KIAA1549: variants seen among roughly 807,000 people sequenced by gnomAD.
The protein encoded by KIAA1549 is UPF0606 protein KIAA1549.
KIAA1549 carries 70 observed loss-of-function variants against 156.4 expected under a neutral mutation model. That is an observed-to-expected ratio of 0.45 (90% CI 0.37 to 0.55). The LOEUF is 0.55. Among genes scored for constraint, KIAA1549 ranks in the 20% least tolerant of loss-of-function variants. The pLI is 0.00. For synonymous variants in KIAA1549, 1,103 were observed against 1,066.4 expected (o/e 1.03, Z -0.67); for missense variants, 2,428 against 2,540.9 (o/e 0.96, Z 0.96).
intron 16 of KIAA1549, among the ~76,000 whole-genome samples, chr7:138,854,337 A>G (rs1183460048): frequency 6.6e-6 from 1 of 152,214 alleles, no homozygotes; most frequent in Non-Finnish European, 1.5e-5. Flanking sequence ...GTCTCAGCCC[A>G]GGGATTTGTA....
chr7:138,970,594 A>T (rs1227489509), intron 1 of KIAA1549, among the ~76,000 whole-genome samples: 1 of 152,214 alleles, frequency 6.6e-6, no homozygotes, highest in Non-Finnish European at 1.5e-5. Flanking sequence ...AGTCACCTGG[A>T]GGTGCTTTCA....
intron 1 of KIAA1549, among the ~76,000 whole-genome samples, chr7:138,926,443 C>A (rs940424841): frequency 6.6e-6 from 1 of 152,090 alleles, no homozygotes; most frequent in Non-Finnish European, 1.5e-5. Context: ...CACCACCACA[C>A]CAAACCACTT....
At chr7:138,855,252 G>A (rs190867820) in intron 16 of KIAA1549, among the ~76,000 whole-genome samples, 12 of 152,274 alleles carry the variant, frequency 7.9e-5, no homozygotes, top group Non-Finnish European at 1.3e-4. Context: ...CTCGTGGTAG[G>A]TCTTCCTCCT....
At chr7:138,870,380 G>A (rs1378076637) in intron 13 of KIAA1549, among the ~76,000 whole-genome samples, 3 of 152,124 alleles carry the variant, frequency 2.0e-5, no homozygotes, top group African/African-American at 4.8e-5. Flanking sequence ...CTTGGAAATC[G>A]GCCAATGACA....
chr7:138,936,609 T>C (rs1285585413), intron 1 of KIAA1549, among the ~76,000 whole-genome samples: 1 of 152,096 alleles, frequency 6.6e-6, no homozygotes, highest in East Asian at 1.9e-4. Context: ...TCCTTTCAAA[T>C]GGCTTCTGTT....
intron 1 of KIAA1549, among the ~76,000 whole-genome samples, chr7:138,956,546 C>T (rs1222779350): frequency 6.6e-6 from 1 of 152,068 alleles, no homozygotes; most frequent in African/African-American, 2.4e-5. Flanking sequence ...ATAAGTCTCA[C>T]GAGATCTGAT....
intron 1 of KIAA1549, among the ~76,000 whole-genome samples, chr7:138,954,515 C>T (rs920916912): frequency 3.9e-5 from 6 of 152,270 alleles, no homozygotes; most frequent in East Asian, 1.9e-4. Context: ...AGGCTCTCTA[C>T]GATAGCCTGG....
At chr7:138,882,002 A>G (rs912767929) in intron 10 of KIAA1549, among the ~76,000 whole-genome samples, 1 of 152,236 alleles carries the variant, frequency 6.6e-6, no homozygotes, top group Non-Finnish European at 1.5e-5. Flanking sequence ...AGGACTGGGA[A>G]GAAATCACAT....
At chr7:138,869,831 A>T (rs771075351) in intron 13 of KIAA1549, 70 bp from the exon 14 acceptor site, 26 of 1,023,070 alleles carry the variant, frequency 2.5e-5, no homozygotes, top group Non-Finnish European at 3.6e-5. Flanking sequence ...CACACTTCGC[A>T]AAGTCTTTAT....
intron 1 of KIAA1549, among the ~76,000 whole-genome samples, chr7:138,968,655 G>A (rs1177813178): frequency 1.3e-5 from 2 of 151,614 alleles, no homozygotes; most frequent in South Asian, 2.1e-4. Context: ...AGACCATCCT[G>A]GCTAACACGG....
chr7:138,954,992 G>A (rs1433991602), intron 1 of KIAA1549, among the ~76,000 whole-genome samples: 2 of 152,148 alleles, frequency 1.3e-5, no homozygotes, highest in African/African-American at 4.8e-5. Flanking sequence ...GACAGCAGCA[G>A]GCCTCGGATT....
chr7:138,881,128 G>T (rs1279402831), intron 11 of KIAA1549, among the ~76,000 whole-genome samples: 1 of 152,148 alleles, frequency 6.6e-6, no homozygotes, highest in Non-Finnish European at 1.5e-5. Context: ...AGTCTGATGG[G>T]GACCCCTAAA....
chr7:138,975,520 G>A (rs1419268226), intron 1 of KIAA1549, among the ~76,000 whole-genome samples: 1 of 152,180 alleles, frequency 6.6e-6, no homozygotes, highest in African/African-American at 2.4e-5. Context: ...CAAGGAGCTA[G>A]AGGGTTAATG....
intron 18 of KIAA1549, among the ~76,000 whole-genome samples, chr7:138,843,967 C>T (rs768867941): frequency 7.9e-5 from 12 of 152,200 alleles, no homozygotes; most frequent in Non-Finnish European, 1.5e-4. Flanking sequence ...TCGTTCGTTA[C>T]AAGCTGAAAA....
At chr7:138,845,894 C>T (rs1018392463) in intron 17 of KIAA1549, among the ~76,000 whole-genome samples, 21 of 152,154 alleles carry the variant, frequency 1.4e-4, no homozygotes, top group African/African-American at 4.3e-4. Context: ...GTCTGCCAAA[C>T]ACCCGAGTCT....
chr7:138,952,131 C>T (rs971164263), intron 1 of KIAA1549, among the ~76,000 whole-genome samples: 34 of 152,288 alleles, frequency 2.2e-4, no homozygotes, highest in Middle Eastern at 3.4e-3. Flanking sequence ...GCACTTTACC[C>T]GTGCCTGGAT....
intron 1 of KIAA1549, among the ~76,000 whole-genome samples, chr7:138,972,247 A>G (rs1410652184): frequency 6.6e-6 from 1 of 152,042 alleles, no homozygotes; most frequent in Admixed American, 6.6e-5. Context: ...GCCTTCCTCC[A>G]TGTTCCACTT....
intron 12 of KIAA1549, among the ~76,000 whole-genome samples, chr7:138,877,735 A>G (rs1450890850): frequency 2.0e-5 from 3 of 152,214 alleles, no homozygotes; most frequent in African/African-American, 7.2e-5. Flanking sequence ...TTCAAATTGT[A>G]ACAGCAGCAT....
At chr7:138,944,473 G>A (rs1014719408) in intron 1 of KIAA1549, among the ~76,000 whole-genome samples, 2 of 152,176 alleles carry the variant, frequency 1.3e-5, no homozygotes, top group African/African-American at 4.8e-5. Context: ...GTGGAAAAGA[G>A]TTTGGCGGGG....
Sources: allele counts gnomAD v4.1 joint callset (sites outside exome capture counted in the v4.1 genomes callset), GRCh38; gene constraint gnomAD v4.1.1; transcripts MANE v1.5; gene names NCBI Gene and HGNC (gene_info 2026-07-23, HGNC 2026-07-21).